Variants in VPS13B observed in about 807,000 individuals in gnomAD.
VPS13B encodes the protein intermembrane lipid transfer protein VPS13B.
VPS13B carries 285 observed loss-of-function variants against 426.4 expected under a neutral mutation model. The ratio of observed to expected loss-of-function variants is 0.67; its 90% confidence interval spans 0.61 to 0.74. The LOEUF (loss-of-function observed/expected upper bound fraction) is 0.74, where lower values mean the gene tolerates loss of function less well. Among genes scored for constraint, VPS13B ranks in the 30% least tolerant of loss-of-function variants. VPS13B has a pLI of 0.00. For synonymous variants in VPS13B, 1,676 were observed against 1,676.4 expected (o/e 1.00, Z 0.01); for missense variants, 4,537 against 4,782.6 (o/e 0.95, Z 1.51).
intron 12 of VPS13B, among the ~76,000 whole-genome samples, chr8:99,139,260 A>C (rs1810257727): frequency 6.6e-6 from 1 of 152,042 alleles, no homozygotes; most frequent in Non-Finnish European, 1.5e-5. Context: ...TGCTGTTTTG[A>C]GATTCATGAG....
At chr8:99,386,509 A>G (rs141697713) in intron 20 of VPS13B, among the ~76,000 whole-genome samples, 1 of 152,286 alleles carries the variant, frequency 6.6e-6, no homozygotes, top group Non-Finnish European at 1.5e-5. Flanking sequence ...ACTGTACTGA[A>G]TACCTTAGGC....
chr8:99,679,034 A>G (rs1161782779), intron 35 of VPS13B, among the ~76,000 whole-genome samples: 3 of 152,144 alleles, frequency 2.0e-5, no homozygotes, highest in Admixed American at 2.0e-4. Flanking sequence ...CTGTTTTCTT[A>G]GTCTGCAATT....
chr8:99,532,926 A>G (rs1588468930), intron 30 of VPS13B, among the ~76,000 whole-genome samples: 1 of 148,944 alleles, frequency 6.7e-6, no homozygotes, highest in East Asian at 2.0e-4. Flanking sequence ...TGCATAATCA[A>G]TTCACTGAGG....
intron 43 of VPS13B, among the ~76,000 whole-genome samples, chr8:99,801,186 ATC>A (rs1404151118): frequency 6.6e-6 from 1 of 151,936 alleles, no homozygotes; most frequent in Non-Finnish European, 1.5e-5. Flanking sequence ...TCCTTCCTAT[ATC>A]TCTCTCCCAC....
chr8:99,082,587 T>C (rs1699097047), intron 3 of VPS13B, among the ~76,000 whole-genome samples: 1 of 152,216 alleles, frequency 6.6e-6, no homozygotes, highest in South Asian at 2.1e-4. Context: ...AGGGTTTTTA[T>C]GGTTTTAGGT....
At position 99,614,443 on chromosome 8, in the gene VPS13B, A is replaced by G. The variant is rs907852689; in HGVS notation, c.5221-27368A>G. Reference sequence around the variant, plus strand: ...CAGGCATATGCCACCACACCCGGCTAATTTTGTATTTTTAAGAGAGATGGG... The same window carrying G: ...CAGGCATATGCCACCACACCCGGCTGATTTTGTATTTTTAAGAGAGATGGG... On this transcript the variant is annotated intron_variant, in intron 33 of 61. Transcript: ENST00000357162. Among the ~76,000 whole-genome samples, 13 of 151,958 alleles carry G rather than the reference A, an allele frequency of 8.6e-5. No individual in the cohort carries two copies. In the South Asian group the frequency reaches 2.7e-3, roughly 32 times the overall value.
At chr8:99,014,007 G>A in intron 2 of VPS13B, 72 bp downstream of exon 2, 1 of 1,594,298 alleles carries the variant, frequency 6.3e-7, no homozygotes, top group Admixed American at 1.7e-5. Flanking sequence ...TGTTTCCTAA[G>A]CTTTGACTTT....
intron 15 of VPS13B, among the ~76,000 whole-genome samples, chr8:99,165,374 C>T (rs781047223): frequency 6.6e-6 from 1 of 152,140 alleles, no homozygotes; most frequent in Non-Finnish European, 1.5e-5. Flanking sequence ...TTACCAATTC[C>T]TCTTTATGTA....
At chr8:99,728,984 T>C (rs1235445358) in intron 39 of VPS13B, among the ~76,000 whole-genome samples, 1 of 152,164 alleles carries the variant, frequency 6.6e-6, no homozygotes, top group African/African-American at 2.4e-5. Flanking sequence ...TTTCTCCCTT[T>C]CTTCTTAGGC....
intron 32 of VPS13B, among the ~76,000 whole-genome samples, chr8:99,576,536 C>A (rs1286064378): frequency 6.6e-6 from 1 of 151,882 alleles, no homozygotes; most frequent in Non-Finnish European, 1.5e-5. Context: ...ACATGCTGTT[C>A]TTCATGGCTT....
intron 33 of VPS13B, among the ~76,000 whole-genome samples, chr8:99,599,833 G>A (rs764470943): frequency 6.6e-6 from 1 of 151,966 alleles, no homozygotes; most frequent in South Asian, 2.1e-4. Context: ...TAAGATTCTC[G>A]GACTTTAGCA....
chr8:99,210,332 C>A (rs1237203111), intron 17 of VPS13B, among the ~76,000 whole-genome samples: 1 of 152,164 alleles, frequency 6.6e-6, no homozygotes, highest in African/African-American at 2.4e-5. Context: ...CTTTTATTGA[C>A]CCCTATATTC....
At chr8:99,509,294 G>T (rs1366770179) in intron 28 of VPS13B, among the ~76,000 whole-genome samples, 1 of 152,124 alleles carries the variant, frequency 6.6e-6, no homozygotes, top group Non-Finnish European at 1.5e-5. Context: ...AAAAAGAAGG[G>T]GAATCAAAAG....
intron 15 of VPS13B, among the ~76,000 whole-genome samples, chr8:99,157,463 A>G (rs544155862): frequency 6.6e-6 from 1 of 152,180 alleles, no homozygotes; most frequent in African/African-American, 2.4e-5. Context: ...TGATGTTGCT[A>G]TTGTAACTGT....
chr8:99,795,103 C>T lies in VPS13B; in HGVS notation c.7941+10627C>T, dbSNP rs142501146. Among the ~76,000 whole-genome samples the T allele has an allele frequency of 1.1e-4, 16 of 152,248 alleles. No individual in the cohort carries two copies. The East Asian group carries it at 1.3e-3, about 13-fold the overall frequency. ...CAAATCCTGGCTCCTTTTTATCTGA[C>T]GGTCCTTCCTTAAGCTTGTATCTCC... On this transcript the variant is annotated intron_variant, in intron 43 of 61. Transcript: ENST00000357162.
At chr8:99,361,531 G>C (rs906599001) in intron 19 of VPS13B, among the ~76,000 whole-genome samples, 3 of 152,126 alleles carry the variant, frequency 2.0e-5, no homozygotes, top group Non-Finnish European at 4.4e-5. Context: ...CTGCTATAAA[G>C]ACCAGCTTGA....
At chr8:99,821,791 T>C (rs1168064858) in intron 50 of VPS13B, among the ~76,000 whole-genome samples, 1 of 152,172 alleles carries the variant, frequency 6.6e-6, no homozygotes, top group Admixed American at 6.5e-5. Flanking sequence ...AAATTGTACT[T>C]GGCCTCCTTC....
intron 23 of VPS13B, 151 bp from the exon 24 acceptor site, chr8:99,467,263 G>C (rs1280760612): frequency 1.3e-6 from 1 of 785,472 alleles, no homozygotes; most frequent in Non-Finnish European, 2.2e-6. Context: ...CATGTAAATT[G>C]TTTAGCACCG....
chr8:99,197,866 GT>G (rs1393827128), intron 17 of VPS13B, among the ~76,000 whole-genome samples: 1 of 151,892 alleles, frequency 6.6e-6, no homozygotes, highest in Non-Finnish European at 1.5e-5. Context: ...TCACATATTT[GT>G]GGTTTTCCCC....
Sources: allele counts gnomAD v4.1 joint callset (sites outside exome capture counted in the v4.1 genomes callset), GRCh38; gene constraint gnomAD v4.1.1; transcripts MANE v1.5; gene names NCBI Gene and HGNC (gene_info 2026-07-23, HGNC 2026-07-21).